PPARG: variants seen among roughly 807,000 people sequenced by gnomAD.
PPARG encodes the protein peroxisome proliferator activated receptor gamma.
A neutral mutation model predicts 39.2 loss-of-function variants in PPARG; 17 were observed. That is an observed-to-expected ratio of 0.43 (90% CI 0.30 to 0.65). The LOEUF is 0.65. PPARG is among the 30% of genes least tolerant of loss of function. PPARG has a pLI of 0.13. For synonymous variants in PPARG, 223 were observed against 215.7 expected, an observed-to-expected ratio of 1.03 and a Z score of -0.30; for missense variants, 406 against 585.9, an observed-to-expected ratio of 0.69 and a Z score of 3.17.
intron 7 of PPARG, among the ~76,000 whole-genome samples, 162 bp from the exon 8 acceptor site, chr3:12,433,736 C>T (rs143737405): frequency 5.6e-4 from 86 of 152,262 alleles, no homozygotes; most frequent in Admixed American, 2.1e-3. Flanking sequence ...AGTTCTTACC[C>T]ATTATCTGCT....
chr3:12,406,018 G>A lies in PPARG; in HGVS notation c.666G>A (p.Lys222=). Residue 222 remains lysine (K), a synonymous_variant, in exon 6 of 8, where the codon AAG becomes AAA. Transcript: ENST00000651735. Reference sequence around the variant, plus strand: ...AACATTTGTATGACTCATACATAAAGTCCTTCCCGCTGACCAAAGCAAAGG... The same window carrying A: ...AACATTTGTATGACTCATACATAAAATCCTTCCCGCTGACCAAAGCAAAGG... ...LAKHLYDSYI[K]SFPLTKAKAR... 6.2e-7 allele frequency: 1 copy of A among 1,614,136 alleles called. No individual in the cohort carries two copies. The highest frequency in any genetic ancestry group is 8.5e-7 in the Non-Finnish European group (1 of 1,180,016).
At chr3:12,402,363 A>G (rs1328962799) in intron 5 of PPARG, among the ~76,000 whole-genome samples, 2 of 151,902 alleles carry the variant, frequency 1.3e-5, no homozygotes, top group Non-Finnish European at 2.9e-5. Context: ...TCTCATGATC[A>G]TTTTCCCAAA....
chr3:12,331,907 G>A (rs1442813807), intron 2 of PPARG, among the ~76,000 whole-genome samples: 3 of 152,128 alleles, frequency 2.0e-5, no homozygotes, highest in Non-Finnish European at 4.4e-5. Flanking sequence ...AGTTTCAGTT[G>A]CCTGTGAGAT....
intron 2 of PPARG, among the ~76,000 whole-genome samples, chr3:12,343,425 C>T (rs2048240175): frequency 6.6e-6 from 1 of 152,176 alleles, no homozygotes; most frequent in Non-Finnish European, 1.5e-5. Flanking sequence ...CACTCCATTG[C>T]ATCTGGTTTA....
At chr3:12,310,824 A>C (rs983316456) in intron 1 of PPARG, among the ~76,000 whole-genome samples, 8 of 131,234 alleles carry the variant, frequency 6.1e-5, no homozygotes, top group African/African-American at 1.4e-4. Flanking sequence ...AAAAAAAAAA[A>C]CCCAAGTGGT....
At chr3:12,312,566 C>G (rs770434039) in intron 2 of PPARG, 113 bp downstream of exon 2, 2 of 152,062 alleles carry the variant, frequency 1.3e-5, no homozygotes, top group Non-Finnish European at 2.9e-5. Context: ...TGATTTTTGA[C>G]TATTATAATA....
At chr3:12,288,558 C>T (rs1209381586), upstream of PPARG, among the ~76,000 whole-genome samples, 1 of 152,014 alleles carries the variant, frequency 6.6e-6, no homozygotes, top group Non-Finnish European at 1.5e-5. Flanking sequence ...AAGCGAAGAT[C>T]CGCGTGCGTC....
At chr3:12,315,973 A>G (rs1171254304) in intron 2 of PPARG, among the ~76,000 whole-genome samples, 2 of 152,194 alleles carry the variant, frequency 1.3e-5, no homozygotes, top group African/African-American at 2.4e-5. Flanking sequence ...GTAGTCTTAT[A>G]TTTGTTTGAA....
intron 2 of PPARG, among the ~76,000 whole-genome samples, chr3:12,347,431 A>G (rs908306222): frequency 6.6e-6 from 1 of 152,178 alleles, no homozygotes. Flanking sequence ...GTTGTGGTGA[A>G]ATTTACATCC....
At chr3:12,357,453 T>C (rs1343874072) in intron 2 of PPARG, among the ~76,000 whole-genome samples, 2 of 152,180 alleles carry the variant, frequency 1.3e-5, no homozygotes, top group Non-Finnish European at 2.9e-5. Flanking sequence ...TAATCTTGGC[T>C]CAAATCTTAC....
chr3:12,396,113 C>G (rs141865959), intron 5 of PPARG, among the ~76,000 whole-genome samples: 86 of 152,080 alleles, frequency 5.7e-4, no homozygotes, highest in African/African-American at 2.0e-3. Flanking sequence ...AATATGTCTT[C>G]TTTATTTTTT....
chr3:12,426,721 T>G (rs1398443570), intron 7 of PPARG, among the ~76,000 whole-genome samples: 8 of 152,232 alleles, frequency 5.3e-5, no homozygotes. Flanking sequence ...ATAGCTAATT[T>G]ACTGTACAAC....
intron 1 of PPARG, among the ~76,000 whole-genome samples, chr3:12,291,632 A>C (rs1336916246): frequency 1.3e-5 from 2 of 152,206 alleles, no homozygotes; most frequent in Non-Finnish European, 2.9e-5. Context: ...GCAATAGGCC[A>C]TGTTTTGGGG....
At chr3:12,302,215 A>G (rs1212096998) in intron 1 of PPARG, among the ~76,000 whole-genome samples, 1 of 152,214 alleles carries the variant, frequency 6.6e-6, no homozygotes, top group Non-Finnish European at 1.5e-5. Flanking sequence ...GATTGACAGG[A>G]TAGCCTCACG....
chr3:12,373,849 T>C (rs1046562391), intron 2 of PPARG, among the ~76,000 whole-genome samples: 5 of 152,138 alleles, frequency 3.3e-5, no homozygotes, highest in African/African-American at 9.7e-5. Context: ...GGAGGATTCA[T>C]AGATGGTTTT....
At chr3:12,379,262 C>T (rs1343706804) in intron 2 of PPARG, among the ~76,000 whole-genome samples, 1 of 152,146 alleles carries the variant, frequency 6.6e-6, no homozygotes, top group Non-Finnish European at 1.5e-5. Context: ...GCCTCCGCCT[C>T]CCAAAGTGCT....
chr3:12,434,087 C>T lies in PPARG; in HGVS notation c.1370C>T (p.Thr457Met), dbSNP rs201781800. ...HVQLLQVIKK[T>M]ETDMSLHPLL... ...CAGCTACTGCAGGTGATCAAGAAGACGGAGACAGACATGAGTCTTCACCCG... is the reference window on the plus strand; with the variant it reads ...CAGCTACTGCAGGTGATCAAGAAGATGGAGACAGACATGAGTCTTCACCCG... Residue 457 changes from threonine (T) to methionine (M), a missense_variant, in exon 8 of 8, where the codon ACG (threonine) becomes ATG (methionine). By Grantham distance (81) the Thr-to-Met change is moderately conservative (BLOSUM62 -1). Coordinates refer to ENST00000651735, the MANE Select transcript of PPARG (RefSeq NM_138711.6). The surrounding 1 kb of genome is among the most constrained non-coding windows in gnomAD (Gnocchi z 4.2). The T allele has an allele frequency of 1.6e-5, 26 of 1,614,142 alleles. No individual in the cohort carries two copies. The highest frequency in any genetic ancestry group is 2.2e-5 in the South Asian group (2 of 91,078).
Position 12,381,614 on chromosome 3 carries a change from G to C in PPARG, c.390+123G>C, listed in dbSNP as rs4135324. The C allele has an allele frequency of 5.5e-3, 5,655 of 1,031,130 alleles. 214 individuals carry two copies. The African/African-American group carries it at 0.08, about 15-fold the overall frequency. 63.9% of individuals were successfully genotyped at this position (1,031,130 alleles called of 1,614,324 possible). ...TCTTCATGGAAGAGTATCTTGCTCT[G>C]TCACCCAGACCAGAGTGCAGTGGTG... On this transcript the variant is annotated intron_variant, in intron 4 of 7. Coordinates refer to ENST00000651735, the MANE Select transcript of PPARG (RefSeq NM_138711.6).
At chr3:12,340,075 T>G (rs1240578492) in intron 2 of PPARG, among the ~76,000 whole-genome samples, 2 of 152,172 alleles carry the variant, frequency 1.3e-5, no homozygotes. Context: ...TAGATAACAA[T>G]ATACTTCCCC....
Sources: gnomAD v4.1 joint callset for allele counts (sites outside exome capture counted in the v4.1 genomes callset) on GRCh38, gnomAD v4.1.1 for gene constraint, Gnocchi (gnomAD v3.1) non-coding constraint, MANE v1.5 for transcripts, NCBI Gene and HGNC (gene_info 2026-07-23, HGNC 2026-07-21) for gene names.